SUSD5: variants seen among roughly 807,000 people sequenced by gnomAD.
SUSD5 encodes sushi domain-containing protein 5.
SUSD5 carries 33 observed loss-of-function variants against 29.5 expected under a neutral mutation model. That is an observed-to-expected ratio of 1.12 (90% confidence interval 0.85 to 1.49). The LOEUF (loss-of-function observed/expected upper bound fraction) is 1.49. Ranked by LOEUF, SUSD5 falls within the 40% of genes most tolerant of loss-of-function variation. SUSD5 has a pLI of 0.00. For missense variants in SUSD5, 776 were observed against 800.6 expected (o/e 0.97, Z 0.37); for synonymous variants, 308 against 325.3 (o/e 0.95, Z 0.57).
chr3:33,186,426 TTTC>T (rs1288651336), intron 3 of SUSD5, among the ~76,000 whole-genome samples: 8 of 138,884 alleles, frequency 5.8e-5, no homozygotes, highest in East Asian at 4.9e-4. Context: ...CTTTCCTTTC[TTTC>T]TTTTTTTTTT....
chr3:33,198,259 C>A (rs1031977963), intron 3 of SUSD5, among the ~76,000 whole-genome samples: 2 of 152,170 alleles, frequency 1.3e-5, no homozygotes, highest in Non-Finnish European at 2.9e-5. Context: ...CTACTCAGTC[C>A]TCTTGACAAA....
chr3:33,184,022 C>G (rs1428261713), intron 3 of SUSD5, among the ~76,000 whole-genome samples: 1 of 144,494 alleles, frequency 6.9e-6, no homozygotes, highest in South Asian at 2.2e-4. Flanking sequence ...ACTGCAACCT[C>G]CACCTCCTGG....
intron 4 of SUSD5, among the ~76,000 whole-genome samples, chr3:33,169,925 C>CT (rs397989135): frequency 0.25 from 37,644 of 149,268 alleles, 4,876 homozygotes; most frequent in East Asian, 0.41. Context: ...TTCTTTCTTT[C>CT]TTTTTTTTTT....
Position 33,173,908 on chromosome 3 carries a change from G to A in SUSD5, c.598+978C>T, listed in dbSNP as rs1334715182. Among the ~76,000 whole-genome samples the A allele has an allele frequency of 4.6e-5, 7 of 152,182 alleles. No homozygotes were observed. The East Asian group carries it at 1.3e-3, about 29-fold the overall frequency. On this transcript the variant is annotated intron_variant, in intron 4 of 4. Coordinates refer to ENST00000309558, the MANE Select transcript of SUSD5 (RefSeq NM_015551.2). Reference sequence around the variant, plus strand: ...CTGGCTGCTGCGTCCCTGTTGGGGTGGGGAGGCCAGGCCTGGCTGTGGCTG... The same window carrying A: ...CTGGCTGCTGCGTCCCTGTTGGGGTAGGGAGGCCAGGCCTGGCTGTGGCTG...
intron 3 of SUSD5, among the ~76,000 whole-genome samples, chr3:33,181,578 G>A (rs2031674795): frequency 6.6e-6 from 1 of 151,874 alleles, no homozygotes. Flanking sequence ...TCCATATGTT[G>A]CCCAGGCTGG....
At chr3:33,217,142 G>A (rs931126267) in intron 1 of SUSD5, among the ~76,000 whole-genome samples, 3 of 152,094 alleles carry the variant, frequency 2.0e-5, no homozygotes, top group Non-Finnish European at 4.4e-5. Context: ...CAGTTATAAT[G>A]GGATGAAACT....
chr3:33,169,069 G>T (rs780587422), intron 4 of SUSD5, among the ~76,000 whole-genome samples: 1 of 84,632 alleles, frequency 1.2e-5, no homozygotes, highest in African/African-American at 3.7e-5. Context: ...CATTTCTACG[G>T]AATTCCAGAC....
chr3:33,216,079 G>T (rs895048687), intron 1 of SUSD5, among the ~76,000 whole-genome samples: 1 of 151,778 alleles, frequency 6.6e-6, no homozygotes, highest in African/African-American at 2.4e-5. Context: ...ATAATAAAAC[G>T]GATAAACCCC....
Position 33,213,469 on chromosome 3 carries a change from G to A in SUSD5, c.290+459C>T, listed in dbSNP as rs376926078. Among the ~76,000 whole-genome samples the A allele has an allele frequency of 1.6e-4, 25 of 152,236 alleles. No homozygotes were observed. The East Asian group carries it at 3.5e-3, about 21-fold the overall frequency. ...ATAAAAGAACTATGACAGAACTCCA[G>A]AAAAATGCTTTTGTAAGTAAACTCA... On this transcript the variant is annotated intron_variant, in intron 2 of 4. Transcript: ENST00000309558.
At chr3:33,214,597 A>T (rs918578433) in intron 1 of SUSD5, among the ~76,000 whole-genome samples, 30 of 152,174 alleles carry the variant, frequency 2.0e-4, no homozygotes, top group Middle Eastern at 3.4e-3. Flanking sequence ...TTCACAATAA[A>T]TTCATTTGTG....
chr3:33,199,214 TCACACACACA>T (rs35522769), intron 3 of SUSD5, among the ~76,000 whole-genome samples: 15 of 147,994 alleles, frequency 1.0e-4, no homozygotes, highest in East Asian at 4.0e-4. Flanking sequence ...GGGGAGAATT[TCACACACACA>T]CACACACACA....
intron 4 of SUSD5, among the ~76,000 whole-genome samples, chr3:33,172,579 T>C (rs1185980017): frequency 2.6e-5 from 4 of 152,154 alleles, no homozygotes; most frequent in African/African-American, 9.6e-5. Flanking sequence ...GGCAGGTGAA[T>C]GATCAGAATT....
At chr3:33,181,710 A>T (rs1462098001) in intron 3 of SUSD5, among the ~76,000 whole-genome samples, 1 of 152,002 alleles carries the variant, frequency 6.6e-6, no homozygotes, top group Non-Finnish European at 1.5e-5. Flanking sequence ...CTGTATTTTT[A>T]CTGTACCTTT....
At chr3:33,207,149 T>G (rs1247253538) in intron 3 of SUSD5, among the ~76,000 whole-genome samples, 1 of 152,244 alleles carries the variant, frequency 6.6e-6, no homozygotes, top group Non-Finnish European at 1.5e-5. Flanking sequence ...AATTTGGATT[T>G]TCCTTACTGT....
chr3:33,201,602 C>A (rs1274037056), intron 3 of SUSD5, among the ~76,000 whole-genome samples: 2 of 152,204 alleles, frequency 1.3e-5, no homozygotes, highest in Admixed American at 1.3e-4. Context: ...TCTGAGAAAA[C>A]AAGACCTGAT....
At chr3:33,164,204 A>G (rs2031256505) in intron 4 of SUSD5, among the ~76,000 whole-genome samples, 1 of 152,166 alleles carries the variant, frequency 6.6e-6, no homozygotes, top group Admixed American at 6.5e-5. Flanking sequence ...AGATATAGAT[A>G]TATAGTTTCC....
At chr3:33,173,062 C>G (rs1559447862) in intron 4 of SUSD5, among the ~76,000 whole-genome samples, 1 of 152,138 alleles carries the variant, frequency 6.6e-6, no homozygotes, top group Admixed American at 6.5e-5. Flanking sequence ...TGTAAATGAT[C>G]AAATTCAAAT....
chr3:33,213,967 G>T lies in SUSD5; in HGVS notation c.251C>A (p.Ala84Glu). ...LRRVVQDCSF[A>E]VCTTGWLADG... ...TGCTAGCCAGCCAGTGGTGCACACC[G>T]CAAAGGAGCAATCCTGTACCACTCT... Residue 84 changes from alanine to glutamate, a missense_variant, in exon 2 of 5, where the codon GCG becomes GAG. Physicochemically the swap from Ala to Glu is moderately radical, Grantham distance 107. Transcript: ENST00000309558. The T allele has an allele frequency of 6.2e-7, 1 of 1,611,766 alleles. No homozygotes were observed. The highest frequency in any genetic ancestry group is 8.5e-7 in the Non-Finnish European group (1 of 1,178,898).
chr3:33,191,381 C>T (rs890550460), intron 3 of SUSD5, among the ~76,000 whole-genome samples: 3 of 152,144 alleles, frequency 2.0e-5, no homozygotes, highest in South Asian at 2.1e-4. Context: ...CCACCCGCCT[C>T]GGCCTCCCAA....
Sources: allele counts gnomAD v4.1 joint callset (sites outside exome capture counted in the v4.1 genomes callset), GRCh38; gene constraint gnomAD v4.1.1; transcripts MANE v1.5; gene names NCBI Gene and HGNC (gene_info 2026-07-23, HGNC 2026-07-21).